The following TAFA5 variants were observed in gnomAD, a reference collection of about 807,000 sequenced individuals.
TAFA5 encodes the protein TAFA chemokine like family member 5.
Under a neutral mutation model 15.3 loss-of-function variants are expected in TAFA5, and 6 were observed. The ratio of observed to expected loss-of-function variants is 0.39; its 90% confidence interval spans 0.21 to 0.77. TAFA5 has a LOEUF of 0.77. TAFA5 is among the 30% of genes least tolerant of loss of function. The pLI is 0.41. For synonymous variants in TAFA5, 103 were observed against 80.7 expected (o/e 1.28, Z -1.48); for missense variants, 161 against 193.1 (o/e 0.83, Z 0.98).
chr22:48,622,022 A>G (rs1925855100), intron 1 of TAFA5, among the ~76,000 whole-genome samples: 1 of 152,056 alleles, frequency 6.6e-6, no homozygotes, highest in Non-Finnish European at 1.5e-5. Flanking sequence ...GGGCCCAGGT[A>G]TTTCTTGAAC....
At chr22:48,589,839 CT>C (rs75301782) in intron 1 of TAFA5, among the ~76,000 whole-genome samples, 16,955 of 152,142 alleles carry the variant, frequency 0.11, 1,084 homozygotes, top group East Asian at 0.3. Context: ...CCCAAGACAC[CT>C]TGATTTCCAA....
intron 1 of TAFA5, among the ~76,000 whole-genome samples, chr22:48,600,162 A>G (rs28669112): frequency 0.46 from 69,248 of 151,900 alleles, 17,334 homozygotes; most frequent in East Asian, 0.68. Context: ...GTCACAGCCG[A>G]GATCTCCCCT....
chr22:48,737,550 C>T (rs13058292), intron 3 of TAFA5, among the ~76,000 whole-genome samples: 36,051 of 152,114 alleles, frequency 0.24, 4,613 homozygotes, highest in Admixed American at 0.32. Context: ...GAGAGGGCAC[C>T]GCACACTGTG....
At chr22:48,494,768 G>A (rs1200046417) in intron 1 of TAFA5, among the ~76,000 whole-genome samples, 1 of 152,232 alleles carries the variant, frequency 6.6e-6, no homozygotes, top group East Asian at 1.9e-4. Flanking sequence ...CACGGCAGCA[G>A]CACAAGCTGC....
Position 48,573,565 on chromosome 22 carries a change from G to T in TAFA5, c.113-73032G>T, listed in dbSNP as rs1004574804. 3.3e-5 allele frequency among the ~76,000 whole-genome samples: 5 copies of T among 152,282 alleles called. No homozygotes were observed. In the East Asian group the frequency reaches 9.7e-4, roughly 29 times the overall value. ...CCTACACGAGGTTCTTGAGTTTGCA[G>T]CTGTGATTGCTTTTAAAAGTGTAAG... On this transcript the variant is annotated intron_variant, in intron 1 of 3. Transcript: ENST00000402357.
At chr22:48,679,635 C>T (rs1218898066) in intron 2 of TAFA5, among the ~76,000 whole-genome samples, 4 of 81,152 alleles carry the variant, frequency 4.9e-5, no homozygotes, top group Admixed American at 3.8e-4. Context: ...CCCGGCTCCC[C>T]GTCCATCCCT....
At chr22:48,621,272 C>T (rs1269446373) in intron 1 of TAFA5, among the ~76,000 whole-genome samples, 2 of 147,488 alleles carry the variant, frequency 1.4e-5, no homozygotes, top group East Asian at 4.1e-4. Context: ...CCTATCCACC[C>T]ACTCACCAGC....
intron 1 of TAFA5, among the ~76,000 whole-genome samples, chr22:48,553,493 A>T (rs1922927009): frequency 6.6e-6 from 1 of 152,184 alleles, no homozygotes; most frequent in South Asian, 2.1e-4. Flanking sequence ...GGATGGGGTC[A>T]TGGGGAGACC....
At chr22:48,739,049 A>G (rs1301724674) in intron 3 of TAFA5, among the ~76,000 whole-genome samples, 1 of 152,160 alleles carries the variant, frequency 6.6e-6, no homozygotes, top group Non-Finnish European at 1.5e-5. Flanking sequence ...AAAAGGAAAA[A>G]TCGTGGTCTA....
chr22:48,652,146 C>A (rs1346610529), intron 2 of TAFA5, among the ~76,000 whole-genome samples: 2 of 152,248 alleles, frequency 1.3e-5, no homozygotes, highest in Non-Finnish European at 2.9e-5. Context: ...GCCCCCAGGG[C>A]CAGCTGAAGG....
intron 3 of TAFA5, among the ~76,000 whole-genome samples, chr22:48,721,527 G>C (rs1601697722): frequency 6.6e-6 from 1 of 152,076 alleles, no homozygotes; most frequent in South Asian, 2.1e-4. Flanking sequence ...TCTCCTATTG[G>C]TTGGCAGAAG....
intron 2 of TAFA5, among the ~76,000 whole-genome samples, chr22:48,657,806 G>A (rs1010703667): frequency 6.6e-6 from 1 of 152,182 alleles, no homozygotes; most frequent in Admixed American, 6.5e-5. Context: ...TTTTCAGGGA[G>A]ACCCGATGAT....
chr22:48,702,119 T>TTG lies in TAFA5; in HGVS notation c.263-5591_263-5590dup, dbSNP rs111659859. Among the ~76,000 whole-genome samples the TTG allele has an allele frequency of 6.1e-5, 6 of 98,512 alleles. No homozygotes were observed. The South Asian group carries it at 1.9e-3, about 31-fold the overall frequency. 64.6% of individuals were successfully genotyped at this position (98,512 alleles called of 152,430 possible). ...GTCTGCAAGAGGGCACACAGTGGAC[T>TTG]TGTGTGTGAGTGTGTGTGTGTGCGT... On this transcript the variant is annotated intron_variant, in intron 2 of 3. Transcript: ENST00000402357.
intron 1 of TAFA5, among the ~76,000 whole-genome samples, chr22:48,638,336 G>GTCA (rs1926528906): frequency 1.4e-5 from 1 of 70,074 alleles, no homozygotes; most frequent in Admixed American, 2.0e-4. Flanking sequence ...TAAGCCCTGG[G>GTCA]CCACACACAG....
intron 1 of TAFA5, among the ~76,000 whole-genome samples, chr22:48,637,655 G>C (rs950357950): frequency 6.6e-6 from 1 of 152,108 alleles, no homozygotes; most frequent in Non-Finnish European, 1.5e-5. Flanking sequence ...CCCTCGCTCA[G>C]GTGTGTGGTT....
intron 2 of TAFA5, among the ~76,000 whole-genome samples, chr22:48,701,107 A>G (rs1447269798): frequency 6.6e-6 from 1 of 152,082 alleles, no homozygotes; most frequent in Non-Finnish European, 1.5e-5. Flanking sequence ...TATTTGTCCC[A>G]CTTCAGTGGG....
At chr22:48,522,175 G>A (rs1016520857) in intron 1 of TAFA5, among the ~76,000 whole-genome samples, 2 of 152,074 alleles carry the variant, frequency 1.3e-5, no homozygotes, top group South Asian at 2.1e-4. Context: ...CAAGGCTGAC[G>A]GTTGCTGTCC....
intron 1 of TAFA5, among the ~76,000 whole-genome samples, chr22:48,583,700 C>T (rs1407101816): frequency 7.0e-6 from 1 of 143,312 alleles, no homozygotes; most frequent in African/African-American, 2.6e-5. Flanking sequence ...AATATACACA[C>T]GCCACATCCC....
At chr22:48,656,858 C>T (rs917719590) in intron 2 of TAFA5, among the ~76,000 whole-genome samples, 1 of 149,508 alleles carries the variant, frequency 6.7e-6, no homozygotes, top group Non-Finnish European at 1.5e-5. Context: ...TCTGCCCTCC[C>T]GGGTTCAAGC....
Sources: allele counts gnomAD v4.1 joint callset (sites outside exome capture counted in the v4.1 genomes callset), GRCh38; gene constraint gnomAD v4.1.1; transcripts MANE v1.5; gene names NCBI Gene and HGNC (gene_info 2026-07-23, HGNC 2026-07-21).